NUP85: variants seen among roughly 807,000 people sequenced by gnomAD.
The protein encoded by NUP85 is nucleoporin 85.
A neutral mutation model predicts 92.8 loss-of-function variants in NUP85; 23 were observed. That is an observed-to-expected ratio of 0.25 (90% CI 0.18 to 0.35). The LOEUF is 0.35. NUP85 is among the 10% of genes least tolerant of loss of function. The pLI, the probability that NUP85 is intolerant of heterozygous loss-of-function variation, is 1.00. For synonymous variants in NUP85, 314 were observed against 306.9 expected, an observed-to-expected ratio of 1.02 and a Z score of -0.24; for missense variants, 759 against 822.8, an observed-to-expected ratio of 0.92 and a Z score of 0.95.
At chr17:75,235,415 T>C (rs1280639344) in intron 18 of NUP85, 163 bp from the exon 19 acceptor site, 4 of 620,176 alleles carry the variant, frequency 6.4e-6, no homozygotes, top group Admixed American at 3.0e-5. Context: ...CTGTTCATCA[T>C]TTCCAGTATG....
chr17:75,206,418 T>C (rs1201839169), intron 1 of NUP85, among the ~76,000 whole-genome samples: 1 of 151,982 alleles, frequency 6.6e-6, no homozygotes, highest in African/African-American at 2.4e-5. Context: ...AAAGGTTTAA[T>C]TAGCTAAGGT....
chr17:75,224,792 A>G lies in NUP85; in HGVS notation c.598-311A>G, dbSNP rs1366802074. On this transcript the variant is annotated intron_variant, in intron 7 of 18. Transcript: ENST00000245544. ...GGTTGCAGTGAGCCGAGATTATGCC[A>G]TTGCACTCCAGCCTGGGCAACAAGA... is the stretch of plus-strand genomic sequence containing the variant. Among the ~76,000 whole-genome samples, 3 of 147,986 alleles carry G rather than the reference A, an allele frequency of 2.0e-5. No individual in the cohort carries two copies. In the East Asian group the frequency reaches 6.1e-4, roughly 30 times the overall value.
At chr17:75,221,545 G>A (rs1261551050) in intron 7 of NUP85, among the ~76,000 whole-genome samples, 1 of 152,134 alleles carries the variant, frequency 6.6e-6, no homozygotes, top group Non-Finnish European at 1.5e-5. Context: ...CACTAGGTGT[G>A]AGATCTTGAG....
chr17:75,229,911 A>G (rs563740057), intron 11 of NUP85, among the ~76,000 whole-genome samples: 2 of 152,174 alleles, frequency 1.3e-5, no homozygotes, highest in East Asian at 3.9e-4. Context: ...CATCAGCTAG[A>G]AATCTGGGTA....
At chr17:75,221,589 G>A (rs1334265488) in intron 7 of NUP85, among the ~76,000 whole-genome samples, 1 of 152,186 alleles carries the variant, frequency 6.6e-6, no homozygotes, top group Non-Finnish European at 1.5e-5. Flanking sequence ...GTCCTCATCT[G>A]TCCAGTGGAG....
intron 11 of NUP85, among the ~76,000 whole-genome samples, chr17:75,227,326 G>GTTTTTTTT (rs71159460): frequency 1.8e-5 from 2 of 114,152 alleles, no homozygotes; most frequent in East Asian, 2.5e-4. Context: ...TTGTTTCTGG[G>GTTTTTTTT]TTTTTTTTTT....
At chr17:75,206,973 C>A (rs529074791) in intron 1 of NUP85, among the ~76,000 whole-genome samples, 118 of 152,220 alleles carry the variant, frequency 7.8e-4, no homozygotes, top group African/African-American at 2.8e-3. Flanking sequence ...TCCCAAAGTG[C>A]TGGGATTACA....
Position 75,215,737 on chromosome 17 carries a change from C to G in NUP85, c.406-17C>G. 1 of 1,612,300 alleles carries G rather than the reference C, an allele frequency of 6.2e-7. No individual in the cohort carries two copies. The highest frequency in any genetic ancestry group is 8.5e-7 in the Non-Finnish European group (1 of 1,178,458). ...AGGAATCATTTCAGGTGAAACCTGT[C>G]CCCATTTCTTCCTTAGGTCTCCATT... On this transcript the variant is annotated splice_polypyrimidine_tract_variant and intron_variant, in intron 5 of 18. Coordinates refer to ENST00000245544, the MANE Select transcript of NUP85 (RefSeq NM_024844.5).
intron 11 of NUP85, among the ~76,000 whole-genome samples, chr17:75,230,730 C>G (rs954013283): frequency 7.5e-4 from 114 of 152,194 alleles, no homozygotes; most frequent in Non-Finnish European, 1.9e-4. Flanking sequence ...CATAGTGACC[C>G]TTTTGGTGTG....
chr17:75,218,190 C>T lies in NUP85; in HGVS notation c.481C>T (p.Pro161Ser). ...ATGAGAGTCTCTCCTCCCAGCTGGC[C>T]CTCTCCTCCTCCATCTCCTTGACTG... ...ILFIEVAPAG[P>S]LLLHLLDWVR... is the part of the protein sequence containing the mutation. Residue 161 changes from proline (P) to serine (S), a missense_variant, in exon 7 of 19, where the codon CCT (proline) becomes TCT (serine). By Grantham distance (74) the Pro-to-Ser change is moderately conservative. Coordinates refer to ENST00000245544, the MANE Select transcript of NUP85 (RefSeq NM_024844.5). 1 of 1,613,870 alleles carries T rather than the reference C, an allele frequency of 6.2e-7. No individual in the cohort carries two copies. The highest frequency in any genetic ancestry group is 8.5e-7 in the Non-Finnish European group (1 of 1,179,872).
chr17:75,211,125 C>G (rs1455530562), intron 3 of NUP85, among the ~76,000 whole-genome samples: 1 of 151,428 alleles, frequency 6.6e-6, no homozygotes, highest in Non-Finnish European at 1.5e-5. Flanking sequence ...GCCTCAGCCT[C>G]CTGAGTAGCT....
chr17:75,219,789 C>T (rs929085693), intron 7 of NUP85, among the ~76,000 whole-genome samples: 4 of 152,130 alleles, frequency 2.6e-5, no homozygotes, highest in African/African-American at 4.8e-5. Context: ...GGAGGGGCAT[C>T]GAAGAAGGCC....
At chr17:75,234,891 C>G in intron 17 of NUP85, 103 bp downstream of exon 17, 1 of 1,413,032 alleles carries the variant, frequency 7.1e-7, no homozygotes, top group Non-Finnish European at 1.0e-6. Flanking sequence ...TGTCGTTCTG[C>G]CTGTGCGCGT....
At chr17:75,213,377 G>A (rs577837520) in intron 5 of NUP85, among the ~76,000 whole-genome samples, 1 of 151,032 alleles carries the variant, frequency 6.6e-6, no homozygotes, top group African/African-American at 2.4e-5. Context: ...CCAGGCTGGA[G>A]TGCCCTGGGT....
rs562632765 is a variant in NUP85, at chr17:75,225,557, A to G, written c.855+93A>G. ...GTGGCAGGAGCTTGGTCCTCCTTGG[A>G]TAGGGCTGTCTGTCGCTCTGCCGTG... On this transcript the variant is annotated intron_variant, in intron 9 of 18. Coordinates refer to ENST00000245544, the MANE Select transcript of NUP85 (RefSeq NM_024844.5). 7.7e-4 allele frequency: 1,218 copies of G among 1,575,668 alleles called. 7 individuals carry two copies. The African/African-American group carries it at 0.015, about 19-fold the overall frequency.
chr17:75,229,198 T>A, intron 11 of NUP85: 1 of 981,584 alleles, frequency 1.0e-6, no homozygotes, highest in Non-Finnish European at 1.2e-6. Flanking sequence ...TAGAATCTTC[T>A]GACTTGTATT....
At chr17:75,228,882 A>G (rs2075930410) in intron 11 of NUP85, 2 of 985,436 alleles carry the variant, frequency 2.0e-6, no homozygotes, top group African/African-American at 3.5e-5. Flanking sequence ...GCCCTGCTAA[A>G]GGGCCAGGGG....
Position 75,225,410 on chromosome 17 carries a change from G to T in NUP85, c.801G>T (p.Arg267=), listed in dbSNP as rs1399946237. 4 of 1,614,040 alleles carry T rather than the reference G, an allele frequency of 2.5e-6. No individual in the cohort carries two copies. Among genetic ancestry groups the T allele is most frequent in the Non-Finnish European group, 3.4e-6 (4 of 1,180,048 alleles). ...AGCACTGGCACGAGGAATGTGAGCG[G>T]TACCTCCAGGACAGCACATTCGCCA... The part of the protein sequence containing the change: ...KWQHWHEECE[R]YLQDSTFATS... The change falls in exon 9 of 19, where the codon CGG becomes CGT. Residue 267 remains arginine, a synonymous_variant. Transcript: ENST00000245544.
rs1598264291 is a variant in NUP85, at chr17:75,209,874, A to T, written c.179A>T (p.Asp60Val). 6.3e-7 allele frequency: 1 copy of T among 1,585,282 alleles called. No individual in the cohort carries two copies. The highest frequency in any genetic ancestry group is 8.5e-7 in the Non-Finnish European group (1 of 1,172,312). ...CCCTTTATCTATATCATCCGTAAGG[A>T]TGTAGATGTTTACTCTCAAATCTTG... ...SCPFIYIIRK[D>V]VDVYSQILRK... The change falls in exon 3 of 19, where the codon GAT becomes GTT. Residue 60 changes from aspartate (D) to valine (V), a missense_variant. Transcript: ENST00000245544.
Sources: gnomAD v4.1 joint callset for allele counts (sites outside exome capture counted in the v4.1 genomes callset) on GRCh38, gnomAD v4.1.1 for gene constraint, MANE v1.5 for transcripts, NCBI Gene and HGNC (gene_info 2026-07-23, HGNC 2026-07-21) for gene names.